TENM2: variants seen among roughly 807,000 people sequenced by gnomAD.
TENM2 encodes teneurin-2.
A neutral mutation model predicts 245.2 loss-of-function variants in TENM2; 52 were observed. The observed-to-expected ratio is 0.21, with a 90% confidence interval of 0.17 to 0.27. The LOEUF (loss-of-function observed/expected upper bound fraction) is 0.27. Ranked by LOEUF, TENM2 falls within the 10% of genes least tolerant of loss-of-function variation. The probability of loss-of-function intolerance (pLI) is 1.00; values close to 1 mark genes in which losing one functional copy is unlikely to be tolerated. For missense variants in TENM2, 3,046 were observed against 3,666.8 expected, an observed-to-expected ratio of 0.83 and a Z score of 4.37; for synonymous variants, 1,363 against 1,438.9, an observed-to-expected ratio of 0.95 and a Z score of 1.19.
At chr5:167,705,211 ATG>A (rs1758422746) in intron 2 of TENM2, among the ~76,000 whole-genome samples, 1 of 152,198 alleles carries the variant, frequency 6.6e-6, no homozygotes, top group Non-Finnish European at 1.5e-5. Context: ...TTTAGCAAAT[ATG>A]GTTGTCATGT....
intron 2 of TENM2, among the ~76,000 whole-genome samples, chr5:167,724,617 A>G (rs1034181908): frequency 3.9e-5 from 6 of 152,192 alleles, no homozygotes; most frequent in African/African-American, 7.2e-5. Flanking sequence ...AAATAGGCCC[A>G]GGGAAATGAA....
At chr5:167,834,661 T>TTTTTTTTTTTTTTC (rs1554127838) in intron 2 of TENM2, among the ~76,000 whole-genome samples, 1 of 124,802 alleles carries the variant, frequency 8.0e-6, no homozygotes, top group Non-Finnish European at 1.8e-5. Flanking sequence ...TTTTTTTTTT[T>TTTTTTTTTTTTTTC]CTTTTTGAGA....
At chr5:167,019,175 C>T in the TENM2 span, among the ~76,000 whole-genome samples, 1 of 152,114 alleles carries the variant, frequency 6.6e-6, no homozygotes, top group African/African-American at 2.4e-5. Flanking sequence ...GTCCATCCAT[C>T]CATCTGTTCA....
chr5:167,449,599 T>C (rs1765453169), intron 2 of TENM2, among the ~76,000 whole-genome samples: 1 of 152,134 alleles, frequency 6.6e-6, no homozygotes, highest in Admixed American at 6.5e-5. Flanking sequence ...ATTGTAGTCT[T>C]TTATAGTTTG....
chr5:167,276,102 A>G, the TENM2 span, among the ~76,000 whole-genome samples: 2 of 151,918 alleles, frequency 1.3e-5, no homozygotes, highest in Non-Finnish European at 2.9e-5. Flanking sequence ...TTTATTTGCT[A>G]TCGTAAGGAT....
chr5:167,801,831 G>A (rs1295548350), intron 2 of TENM2, among the ~76,000 whole-genome samples: 1 of 152,006 alleles, frequency 6.6e-6, no homozygotes, highest in Non-Finnish European at 1.5e-5. Context: ...GGGTAATTCA[G>A]TTGTAAGACC....
At chr5:168,036,018 C>T (rs1787632651) in intron 5 of TENM2, among the ~76,000 whole-genome samples, 1 of 152,136 alleles carries the variant, frequency 6.6e-6, no homozygotes, top group Non-Finnish European at 1.5e-5. Context: ...ACGTGCCTAT[C>T]TTTCTTTAGC....
chr5:167,338,333 G>A lies in TENM2; in HGVS notation c.227-36865G>A, dbSNP rs541091811. Among the ~76,000 whole-genome samples, 5 of 152,294 alleles carry A rather than the reference G, an allele frequency of 3.3e-5. No individual in the cohort carries two copies. The East Asian group carries it at 9.6e-4, about 29-fold the overall frequency. ...AACCCTAACAATGAAAAGTCTCAGT[G>A]ATTTAAACAACACATTCATTCTCAC... On this transcript the variant is annotated intron_variant, in intron 1 of 28. Coordinates refer to ENST00000518659, the Ensembl canonical transcript of TENM2.
chr5:167,152,982 A>T, the TENM2 span, among the ~76,000 whole-genome samples: 1 of 152,146 alleles, frequency 6.6e-6, no homozygotes, highest in Non-Finnish European at 1.5e-5. Flanking sequence ...TCCTGAAGTA[A>T]TATGTCCTGG....
At chr5:167,090,131 C>T in the TENM2 span, among the ~76,000 whole-genome samples, 2 of 151,690 alleles carry the variant, frequency 1.3e-5, no homozygotes, top group East Asian at 1.9e-4. Flanking sequence ...TAATTTATTA[C>T]TGTAAGAGAA....
intron 2 of TENM2, among the ~76,000 whole-genome samples, chr5:167,530,767 G>A (rs1015765276): frequency 5.9e-5 from 9 of 152,154 alleles, no homozygotes; most frequent in Admixed American, 4.6e-4. Context: ...GGGGAAGCGC[G>A]GCTTCTCTTC....
intron 2 of TENM2, among the ~76,000 whole-genome samples, chr5:167,694,473 G>A (rs1479969793): frequency 2.0e-5 from 3 of 152,154 alleles, no homozygotes; most frequent in African/African-American, 7.2e-5. Flanking sequence ...TATTTTCTGT[G>A]CCTGTGTTTG....
the TENM2 span, among the ~76,000 whole-genome samples, chr5:167,089,892 G>A: frequency 6.6e-6 from 1 of 152,084 alleles, no homozygotes; most frequent in East Asian, 1.9e-4. Flanking sequence ...GAGGAAGGGG[G>A]TATCAGTTCT....
chr5:167,885,985 C>G (rs887824660), intron 3 of TENM2, among the ~76,000 whole-genome samples: 4 of 152,200 alleles, frequency 2.6e-5, no homozygotes, highest in Non-Finnish European at 5.9e-5. Context: ...ACCCAGCCCA[C>G]AAGCCCTTTC....
chr5:167,645,897 T>C (rs1306345190), intron 2 of TENM2, among the ~76,000 whole-genome samples: 1 of 151,892 alleles, frequency 6.6e-6, no homozygotes, highest in Non-Finnish European at 1.5e-5. Flanking sequence ...CCTAATTATA[T>C]GCCTAATGCT....
chr5:167,291,746 G>T (rs577853812), intron 1 of TENM2, among the ~76,000 whole-genome samples: 64 of 152,306 alleles, frequency 4.2e-4, no homozygotes, highest in Non-Finnish European at 5.9e-5. Context: ...GCACAGGAAA[G>T]AAAGACTCTG....
the TENM2 span, among the ~76,000 whole-genome samples, chr5:167,149,969 G>A: frequency 6.6e-6 from 1 of 152,228 alleles, no homozygotes; most frequent in South Asian, 2.1e-4. Flanking sequence ...AAGGATGGAT[G>A]AAAGAATGAA....
chr5:167,946,676 C>T (rs1229013847), intron 3 of TENM2, among the ~76,000 whole-genome samples: 1 of 152,154 alleles, frequency 6.6e-6, no homozygotes, highest in Non-Finnish European at 1.5e-5. Flanking sequence ...CCTTTGCATA[C>T]AGCTGGGAGG....
chr5:168,094,674 C>T (rs1793213976), intron 8 of TENM2, among the ~76,000 whole-genome samples: 1 of 151,510 alleles, frequency 6.6e-6, no homozygotes, highest in African/African-American at 2.4e-5. Context: ...ATCTGGGGGT[C>T]ATGGGGGACA....
Sources: allele counts gnomAD v4.1 joint callset (sites outside exome capture counted in the v4.1 genomes callset), GRCh38; gene constraint gnomAD v4.1.1; transcripts MANE v1.5; gene names NCBI Gene and HGNC (gene_info 2026-07-23, HGNC 2026-07-21).